Variants in OTUD7A observed in about 807,000 individuals in gnomAD.
OTUD7A encodes OTU domain-containing protein 7A.
OTUD7A carries 12 observed loss-of-function variants against 65.7 expected under a neutral mutation model. That is an observed-to-expected ratio of 0.18 (90% confidence interval 0.12 to 0.30). The LOEUF (loss-of-function observed/expected upper bound fraction) is 0.30, where lower values mean the gene tolerates loss of function less well. OTUD7A is among the 10% of genes least tolerant of loss of function. OTUD7A has a pLI of 1.00. For missense variants in OTUD7A, 1,148 were observed against 1,304.8 expected (o/e 0.88, Z 1.85); for synonymous variants, 641 against 586.3 (o/e 1.09, Z -1.35).
chr15:31,686,498 A>G (rs1892839998), intron 1 of OTUD7A, among the ~76,000 whole-genome samples: 1 of 152,246 alleles, frequency 6.6e-6, no homozygotes, highest in South Asian at 2.1e-4. Flanking sequence ...TTTCACCTGC[A>G]CTTCACTCCT....
At chr15:31,503,094 T>C (rs1292825659) in intron 9 of OTUD7A, among the ~76,000 whole-genome samples, 1 of 152,056 alleles carries the variant, frequency 6.6e-6, no homozygotes, top group African/African-American at 2.4e-5. Context: ...TGGGCTTCAG[T>C]TTCATCTCTG....
chr15:31,590,538 TAGC>T (rs1889692439), intron 3 of OTUD7A, among the ~76,000 whole-genome samples: 1 of 152,322 alleles, frequency 6.6e-6, no homozygotes, highest in Non-Finnish European at 1.5e-5. Flanking sequence ...CATACATACA[TAGC>T]AGGCATTAAT....
At chr15:31,794,346 T>G (rs527439111) in intron 1 of OTUD7A, among the ~76,000 whole-genome samples, 144 of 152,342 alleles carry the variant, frequency 9.5e-4, no homozygotes, top group African/African-American at 3.3e-3. Context: ...AAAGTTTTCC[T>G]CTTTACATTG....
intron 1 of OTUD7A, among the ~76,000 whole-genome samples, chr15:31,787,984 T>C (rs977285802): frequency 1.3e-5 from 2 of 152,236 alleles, no homozygotes; most frequent in Non-Finnish European, 2.9e-5. Flanking sequence ...TACAATTATC[T>C]TGTAGTTGGC....
chr15:31,848,223 C>A (rs547474599), intron 1 of OTUD7A, among the ~76,000 whole-genome samples: 1 of 152,206 alleles, frequency 6.6e-6, no homozygotes, highest in Admixed American at 6.5e-5. Flanking sequence ...GGAAGGGAAA[C>A]CAAAGGTGTC....
chr15:31,561,835 T>C (rs1166590851), intron 4 of OTUD7A, among the ~76,000 whole-genome samples: 1 of 151,056 alleles, frequency 6.6e-6, no homozygotes, highest in Non-Finnish European at 1.5e-5. Flanking sequence ...GTGAACTCAG[T>C]GATTCTACTT....
intron 1 of OTUD7A, among the ~76,000 whole-genome samples, chr15:31,721,910 C>T (rs1893749596): frequency 6.6e-6 from 1 of 152,226 alleles, no homozygotes; most frequent in South Asian, 2.1e-4. Flanking sequence ...TTACTGAATT[C>T]CCGATGCCCA....
chr15:31,610,284 C>T (rs760169266), intron 3 of OTUD7A, among the ~76,000 whole-genome samples: 4 of 151,936 alleles, frequency 2.6e-5, no homozygotes, highest in African/African-American at 7.3e-5. Context: ...CACCTAACAC[C>T]GGAGCTCCCA....
intron 1 of OTUD7A, among the ~76,000 whole-genome samples, chr15:31,704,711 A>G (rs1893289332): frequency 6.6e-6 from 1 of 152,140 alleles, no homozygotes; most frequent in Non-Finnish European, 1.5e-5. Flanking sequence ...AAATGAAGTC[A>G]GACCCTATGC....
At chr15:31,578,279 G>A (rs1448493000) in intron 3 of OTUD7A, among the ~76,000 whole-genome samples, 1 of 152,152 alleles carries the variant, frequency 6.6e-6, no homozygotes, top group Non-Finnish European at 1.5e-5. Flanking sequence ...AAGCTGACCA[G>A]CATTTAACAT....
At chr15:31,801,790 T>C (rs1162130431) in intron 1 of OTUD7A, among the ~76,000 whole-genome samples, 2 of 152,156 alleles carry the variant, frequency 1.3e-5, no homozygotes, top group African/African-American at 4.8e-5. Flanking sequence ...GTGACTGATT[T>C]TTTACATAAA....
chr15:31,759,410 G>A (rs140531869), intron 1 of OTUD7A, among the ~76,000 whole-genome samples: 1 of 152,332 alleles, frequency 6.6e-6, no homozygotes, highest in Non-Finnish European at 1.5e-5. Flanking sequence ...ATGTGTGCAT[G>A]AGTCTGCCCT....
At chr15:31,635,177 T>C (rs932282089) in intron 3 of OTUD7A, among the ~76,000 whole-genome samples, 2 of 152,182 alleles carry the variant, frequency 1.3e-5, no homozygotes, top group Non-Finnish European at 2.9e-5. Flanking sequence ...TGGCAAGTTT[T>C]GACCCACTGC....
intron 1 of OTUD7A, among the ~76,000 whole-genome samples, chr15:31,855,767 G>A (rs1479348009): frequency 1.3e-5 from 2 of 152,198 alleles, no homozygotes; most frequent in African/African-American, 2.4e-5. Context: ...GTGAGCAGAT[G>A]CCAACCCTAA....
chr15:31,756,863 C>T lies in OTUD7A; in HGVS notation c.-99-99786G>A, dbSNP rs1165764388. The stretch of plus-strand genomic sequence containing the variant: ...CAACTACTCAGCATCCCTCTTGCTT[C>T]TAAGGAACAGTACGCACAAGAAAGC... On this transcript the variant is annotated intron_variant, in intron 1 of 12. Transcript: ENST00000307050. Among the ~76,000 whole-genome samples the T allele has an allele frequency of 7.9e-5, 12 of 152,290 alleles. No individual in the cohort carries two copies. In the East Asian group the frequency reaches 2.3e-3, roughly 29 times the overall value.
At chr15:31,687,174 C>CT (rs1474310596) in intron 1 of OTUD7A, among the ~76,000 whole-genome samples, 5 of 151,486 alleles carry the variant, frequency 3.3e-5, no homozygotes, top group East Asian at 3.9e-4. Flanking sequence ...AAAGGCAAAC[C>CT]GACAACAGAC....
chr15:31,700,437 C>A (rs1395016362), intron 1 of OTUD7A, among the ~76,000 whole-genome samples: 8 of 152,084 alleles, frequency 5.3e-5, no homozygotes, highest in African/African-American at 1.9e-4. Context: ...GCAAAACTTA[C>A]CTGTTCTTCA....
intron 3 of OTUD7A, among the ~76,000 whole-genome samples, chr15:31,591,105 C>G (rs1354611239): frequency 6.6e-6 from 1 of 152,004 alleles, no homozygotes; most frequent in Non-Finnish European, 1.5e-5. Flanking sequence ...GGAGTGGAAG[C>G]TTCCCGGGAG....
intron 1 of OTUD7A, among the ~76,000 whole-genome samples, chr15:31,700,327 C>A (rs1438575823): frequency 1.3e-5 from 2 of 152,030 alleles, no homozygotes; most frequent in Non-Finnish European, 2.9e-5. Flanking sequence ...CCTCTCTAGT[C>A]TTGTTCTCTT....
Sources: allele counts gnomAD v4.1 joint callset (sites outside exome capture counted in the v4.1 genomes callset), GRCh38; gene constraint gnomAD v4.1.1; transcripts MANE v1.5; gene names NCBI Gene and HGNC (gene_info 2026-07-23, HGNC 2026-07-21).